The following HSD17B11 variants were observed in gnomAD, a reference collection of about 807,000 sequenced individuals.
HSD17B11 encodes hydroxysteroid 17-beta dehydrogenase 11.
A neutral mutation model predicts 27.8 loss-of-function variants in HSD17B11; 22 were observed. That is an observed-to-expected ratio of 0.79 (90% CI 0.56 to 1.13). HSD17B11 has a LOEUF of 1.13. HSD17B11 is among the 50% of genes most tolerant of loss of function. The pLI, the probability that HSD17B11 is intolerant of heterozygous loss-of-function variation, is 0.00. For missense variants in HSD17B11, 314 were observed against 351.1 expected (o/e 0.89, Z 0.84); for synonymous variants, 117 against 132.8 (o/e 0.88, Z 0.82).
intron 4 of HSD17B11, 54 bp from the exon 5 acceptor site, chr4:87,357,470 T>C: frequency 6.5e-7 from 1 of 1,549,258 alleles, no homozygotes; most frequent in Non-Finnish European, 8.7e-7. Context: ...GTCTGCCTGT[T>C]TTCCTCAGTT....
intron 4 of HSD17B11, among the ~76,000 whole-genome samples, chr4:87,357,982 G>T (rs1300415039): frequency 1.3e-3 from 45 of 35,122 alleles, no homozygotes; most frequent in Non-Finnish European, 2.1e-3. Context: ...TTTTTTTTGA[G>T]ACAGAGTCTT....
chr4:87,378,982 G>T (rs1481197636), intron 2 of HSD17B11, among the ~76,000 whole-genome samples: 4 of 108,846 alleles, frequency 3.7e-5, no homozygotes, highest in Non-Finnish European at 7.5e-5. Flanking sequence ...TTTTGAGATG[G>T]TGTCTTGCTC....
intron 1 of HSD17B11, among the ~76,000 whole-genome samples, chr4:87,382,575 C>A (rs986787872): frequency 6.6e-6 from 1 of 152,128 alleles, no homozygotes; most frequent in South Asian, 2.1e-4. Context: ...GAATTTAAAG[C>A]AAGCTTCTTA....
chr4:87,339,040 AC>A (rs1244117432), intron 6 of HSD17B11, among the ~76,000 whole-genome samples: 1 of 152,218 alleles, frequency 6.6e-6, no homozygotes, highest in Non-Finnish European at 1.5e-5. Context: ...AGGTCTAGAA[AC>A]TAGAATTAAT....
At chr4:87,386,204 CTT>C (rs58328540) in intron 1 of HSD17B11, among the ~76,000 whole-genome samples, 1 of 143,972 alleles carries the variant, frequency 6.9e-6, no homozygotes, top group Non-Finnish European at 1.5e-5. Flanking sequence ...AATTGTGAAA[CTT>C]TTTTTTTTTT....
intron 5 of HSD17B11, among the ~76,000 whole-genome samples, chr4:87,344,537 C>T (rs1735231546): frequency 6.6e-6 from 1 of 152,180 alleles, no homozygotes; most frequent in Admixed American, 6.5e-5. Context: ...AGACATAAGA[C>T]AGTTTCAACA....
intron 4 of HSD17B11, among the ~76,000 whole-genome samples, chr4:87,369,281 A>G (rs1480392180): frequency 6.6e-6 from 1 of 152,206 alleles, no homozygotes; most frequent in Non-Finnish European, 1.5e-5. Context: ...AAAGGCATAT[A>G]TATATATGAA....
intron 1 of HSD17B11, among the ~76,000 whole-genome samples, chr4:87,385,446 G>A (rs1290358780): frequency 6.6e-6 from 1 of 151,996 alleles, no homozygotes; most frequent in East Asian, 1.9e-4. Context: ...GAGATATATT[G>A]TTTTAATGGG....
chr4:87,337,268 C>G lies in HSD17B11; in HGVS notation c.*8G>C, dbSNP rs1479313811. ...ACCTGGTAAATCAGTTTTCAGAAAA[C>G]TAGGTGCTTATTGCGCTTTCATTTT... On this transcript the variant is annotated 3_prime_UTR_variant, in exon 7 of 7. Transcript: ENST00000358290. The G allele has an allele frequency of 1.9e-6, 3 of 1,557,130 alleles. No homozygotes were observed. Among genetic ancestry groups the G allele is most frequent in the Non-Finnish European group, 2.7e-6 (3 of 1,129,970 alleles).
intron 5 of HSD17B11, among the ~76,000 whole-genome samples, chr4:87,356,239 C>T (rs954710871): frequency 1.3e-5 from 2 of 152,112 alleles, no homozygotes; most frequent in Non-Finnish European, 2.9e-5. Flanking sequence ...GTTATATACC[C>T]TTTGGCCCAG....
intron 1 of HSD17B11, chr4:87,386,748 TGA>T (rs1374790079): frequency 6.6e-6 from 1 of 152,242 alleles, no homozygotes; most frequent in Non-Finnish European, 1.5e-5. Flanking sequence ...TACTAAAAAT[TGA>T]AAAACTTTTT....
At chr4:87,357,909 G>GTA (rs1735416580) in intron 4 of HSD17B11, among the ~76,000 whole-genome samples, 2 of 135,570 alleles carry the variant, frequency 1.5e-5, no homozygotes, top group African/African-American at 5.5e-5. Flanking sequence ...TTCTATGATA[G>GTA]TATCTATCTC....
intron 4 of HSD17B11, among the ~76,000 whole-genome samples, chr4:87,362,513 G>A (rs767166013): frequency 2.3e-4 from 35 of 152,262 alleles, no homozygotes; most frequent in African/African-American, 6.0e-4. Context: ...CCAACAGAGC[G>A]AGACTCCATC....
intron 2 of HSD17B11, among the ~76,000 whole-genome samples, chr4:87,375,214 T>C (rs1735796849): frequency 6.6e-6 from 1 of 152,086 alleles, no homozygotes. Context: ...GCAATGACTC[T>C]TGTTTTTCTG....
intron 4 of HSD17B11, chr4:87,366,066 G>A (rs931281855): frequency 2.6e-5 from 4 of 152,206 alleles, no homozygotes; most frequent in African/African-American, 9.7e-5. Context: ...ATGTTGATCA[G>A]GCTGGTCTTG....
chr4:87,378,893 TAAATATATATAA>T (rs1560769351), intron 2 of HSD17B11, among the ~76,000 whole-genome samples: 417 of 14,754 alleles, frequency 0.028, 24 homozygotes, highest in African/African-American at 0.032. Flanking sequence ...TATATATATA[TAAATATATATAA>T]ATATATATAT....
chr4:87,341,259 C>T (rs1010874864), intron 5 of HSD17B11, among the ~76,000 whole-genome samples: 3 of 152,052 alleles, frequency 2.0e-5, no homozygotes, highest in Non-Finnish European at 4.4e-5. Context: ...GCAACCTCCA[C>T]CTACTGGGTT....
intron 4 of HSD17B11, among the ~76,000 whole-genome samples, chr4:87,365,546 G>A (rs1031456871): frequency 1.1e-4 from 16 of 152,146 alleles, no homozygotes; most frequent in South Asian, 2.1e-4. Flanking sequence ...GGCTATGCTG[G>A]AGAGTCAGCC....
In HSD17B11 at chr4:87,382,373, C is replaced by T. The variant is rs1312549805; in HGVS notation, c.211-11G>A. ...TTCCTCCAGTCCATGCTAGAAAAAG[C>T]AAAAAAGAGGGCAAGGTAATAATTG... On this transcript the variant is annotated splice_polypyrimidine_tract_variant and intron_variant, in intron 1 of 6. Coordinates refer to ENST00000358290, the MANE Select transcript of HSD17B11 (RefSeq NM_016245.5). 4.5e-6 allele frequency: 7 copies of T among 1,542,734 alleles called. No homozygotes were observed. Among genetic ancestry groups the T allele is most frequent in the Non-Finnish European group, 6.2e-6 (7 of 1,125,592 alleles).
Sources: gnomAD v4.1 joint callset for allele counts (sites outside exome capture counted in the v4.1 genomes callset) on GRCh38, gnomAD v4.1.1 for gene constraint, MANE v1.5 for transcripts, NCBI Gene and HGNC (gene_info 2026-07-23, HGNC 2026-07-21) for gene names.